SLC44A5: variants seen among roughly 807,000 people sequenced by gnomAD.
SLC44A5 encodes solute carrier family 44 member 5, also known as choline transporter-like protein 5.
In SLC44A5, 57 loss-of-function variants were observed where a neutral mutation model predicts 101.8. That is an observed-to-expected ratio of 0.56 (90% CI 0.45 to 0.70). The LOEUF is 0.70. Among genes scored for constraint, SLC44A5 ranks in the 30% least tolerant of loss-of-function variants. SLC44A5 has a pLI of 0.00. For synonymous variants in SLC44A5, 281 were observed against 290.9 expected, an observed-to-expected ratio of 0.97 and a Z score of 0.35; for missense variants, 737 against 853.1, an observed-to-expected ratio of 0.86 and a Z score of 1.70.
intron 3 of SLC44A5, among the ~76,000 whole-genome samples, chr1:75,387,875 G>A (rs1661487869): frequency 7.0e-6 from 1 of 142,086 alleles, no homozygotes; most frequent in African/African-American, 2.7e-5. Context: ...GGAATACTAT[G>A]CAGCCATAAA....
intron 3 of SLC44A5, among the ~76,000 whole-genome samples, chr1:75,355,851 A>G (rs1659024000): frequency 6.6e-6 from 1 of 152,150 alleles, no homozygotes; most frequent in Non-Finnish European, 1.5e-5. Context: ...TGTATTTACT[A>G]TACTGTATTT....
intron 5 of SLC44A5, among the ~76,000 whole-genome samples, chr1:75,286,444 A>G (rs1653055372): frequency 6.6e-6 from 1 of 152,150 alleles, no homozygotes; most frequent in Non-Finnish European, 1.5e-5. Flanking sequence ...AAATCTTTTA[A>G]GTGGAGCATT....
chr1:75,482,651 T>A (rs1445504076), intron 2 of SLC44A5, among the ~76,000 whole-genome samples: 3 of 152,174 alleles, frequency 2.0e-5, no homozygotes, highest in Admixed American at 6.5e-5. Flanking sequence ...AACATGAGTC[T>A]AATACAAATC....
intron 2 of SLC44A5, among the ~76,000 whole-genome samples, chr1:75,494,705 G>A (rs1402919308): frequency 1.3e-5 from 2 of 152,166 alleles, no homozygotes; most frequent in African/African-American, 2.4e-5. Flanking sequence ...ACCCCTGAGA[G>A]TGACAGAGAG....
At chr1:75,300,981 C>T (rs1365959164) in intron 4 of SLC44A5, among the ~76,000 whole-genome samples, 7 of 151,968 alleles carry the variant, frequency 4.6e-5, no homozygotes, top group Non-Finnish European at 8.8e-5. Flanking sequence ...CATCAGATAG[C>T]CATTTTTTAT....
At chr1:75,300,788 G>T in intron 4 of SLC44A5, 103 bp from the exon 5 acceptor site, 1 of 612,460 alleles carries the variant, frequency 1.6e-6, no homozygotes, top group Admixed American at 3.7e-5. Flanking sequence ...ATAGTGAGAT[G>T]TTATTTCATA....
At chr1:75,646,775 G>A in the SLC44A5 span, among the ~76,000 whole-genome samples, 1 of 152,132 alleles carries the variant, frequency 6.6e-6, no homozygotes, top group Non-Finnish European at 1.5e-5. Context: ...CAAAGAGACT[G>A]GCTGCATTTT....
At chr1:75,598,637 AG>A (rs138091462) in intron 1 of SLC44A5, among the ~76,000 whole-genome samples, 26,473 of 152,126 alleles carry the variant, frequency 0.17, 2,656 homozygotes, top group Admixed American at 0.25. Context: ...ACATGAATGG[AG>A]CTGGAGGCCA....
chr1:75,274,575 T>C (rs970285004), intron 6 of SLC44A5, among the ~76,000 whole-genome samples: 2 of 152,148 alleles, frequency 1.3e-5, no homozygotes, highest in South Asian at 2.1e-4. Context: ...GTAGACACTG[T>C]GACAAAAATA....
chr1:75,283,125 A>C (rs1652749741), intron 5 of SLC44A5, among the ~76,000 whole-genome samples: 3 of 151,680 alleles, frequency 2.0e-5, no homozygotes, highest in South Asian at 4.2e-4. Flanking sequence ...TCCCACCAGC[A>C]GTGTAAAATA....
intron 2 of SLC44A5, among the ~76,000 whole-genome samples, chr1:75,461,364 A>C (rs1189831352): frequency 6.6e-6 from 1 of 152,184 alleles, no homozygotes; most frequent in African/African-American, 2.4e-5. Flanking sequence ...CACAACCTTC[A>C]CACACGTGTT....
chr1:75,447,740 TATTA>T (rs1220660782), intron 2 of SLC44A5, among the ~76,000 whole-genome samples: 2 of 152,178 alleles, frequency 1.3e-5, no homozygotes, highest in African/African-American at 4.8e-5. Flanking sequence ...TCCTCCTCTT[TATTA>T]ATTTTTTGCC....
intron 3 of SLC44A5, among the ~76,000 whole-genome samples, chr1:75,340,303 A>G (rs1233237867): frequency 6.6e-6 from 1 of 152,078 alleles, no homozygotes; most frequent in African/African-American, 2.4e-5. Flanking sequence ...CCCTACATGT[A>G]CTGTGTGGGC....
chr1:75,232,960 A>G (rs1240049056), intron 12 of SLC44A5, among the ~76,000 whole-genome samples: 1 of 152,188 alleles, frequency 6.6e-6, no homozygotes, highest in African/African-American at 2.4e-5. Flanking sequence ...TTTGATGTCT[A>G]CTACCATAAA....
chr1:75,554,586 G>T (rs566155598), intron 1 of SLC44A5, among the ~76,000 whole-genome samples: 1 of 151,758 alleles, frequency 6.6e-6, no homozygotes, highest in Non-Finnish European at 1.5e-5. Context: ...TACATTTGAA[G>T]AAATGAAAGA....
intron 6 of SLC44A5, among the ~76,000 whole-genome samples, chr1:75,273,146 T>C (rs1308215870): frequency 6.6e-6 from 1 of 152,080 alleles, no homozygotes; most frequent in Non-Finnish European, 1.5e-5. Context: ...TTTGCAGATG[T>C]TGTGAAAGGA....
intron 2 of SLC44A5, among the ~76,000 whole-genome samples, chr1:75,419,210 AT>A (rs902334302): frequency 6.6e-5 from 10 of 151,834 alleles, no homozygotes; most frequent in Non-Finnish European, 1.2e-4. Flanking sequence ...ATAATGGATA[AT>A]TTTTTTTTAA....
At chr1:75,424,833 T>C (rs1471785621) in intron 2 of SLC44A5, among the ~76,000 whole-genome samples, 2 of 152,206 alleles carry the variant, frequency 1.3e-5, no homozygotes, top group African/African-American at 4.8e-5. Flanking sequence ...TTTCTTCTTA[T>C]AAAGAACATG....
chr1:75,454,992 A>G (rs1350205924), intron 2 of SLC44A5, among the ~76,000 whole-genome samples: 1 of 152,070 alleles, frequency 6.6e-6, no homozygotes, highest in Non-Finnish European at 1.5e-5. Context: ...CTATCACACT[A>G]TCATCTTCAC....
Sources: allele counts gnomAD v4.1 joint callset (sites outside exome capture counted in the v4.1 genomes callset), GRCh38; gene constraint gnomAD v4.1.1; transcripts MANE v1.5; gene names NCBI Gene and HGNC (gene_info 2026-07-23, HGNC 2026-07-21).